The following CENPF variants were observed in gnomAD, a reference collection of about 807,000 sequenced individuals.
The protein encoded by CENPF is centromere protein F.
A neutral mutation model predicts 307.3 loss-of-function variants in CENPF; 214 were observed. The observed-to-expected ratio is 0.70, with a 90% confidence interval of 0.62 to 0.78. The LOEUF (loss-of-function observed/expected upper bound fraction) is 0.78, where lower values mean the gene tolerates loss of function less well. Ranked by LOEUF, CENPF falls within the 30% of genes least tolerant of loss-of-function variation. The pLI is 0.00. For synonymous variants in CENPF, 1,259 were observed against 1,270.6 expected (o/e 0.99, Z 0.19); for missense variants, 3,401 against 3,483.9 (o/e 0.98, Z 0.60).
rs769959685 is a variant in CENPF at position 214,644,624 on chromosome 1, C to T, written c.5054C>T (p.Thr1685Ile). The T allele has an allele frequency of 2.8e-5, 45 of 1,613,610 alleles. No homozygotes were observed. Among genetic ancestry groups the T allele is most frequent in the Non-Finnish European group, 3.4e-5 (40 of 1,179,858 alleles). Residue 1685 changes from threonine to isoleucine, a missense_variant, in exon 13 of 20, where the codon ACA becomes ATA. Physicochemically the swap from Thr to Ile is moderately conservative, Grantham distance 89. Coordinates refer to ENST00000366955, the MANE Select transcript of CENPF (RefSeq NM_016343.4). ...KEHTSETTERTPKHDVHQICD... is the reference protein window; with the variant it reads ...KEHTSETTERIPKHDVHQICD... ...CATACTTCAGAAACTACAGAAAGAA[C>T]ACCAAAGCATGATGTTCATCAGATT...
intron 1 of CENPF, among the ~76,000 whole-genome samples, chr1:214,607,868 A>G (rs1002379894): frequency 6.6e-6 from 1 of 152,168 alleles, no homozygotes; most frequent in Non-Finnish European, 1.5e-5. Flanking sequence ...AGGATGGCCA[A>G]GCTCCGCAGC....
Position 214,613,752 on chromosome 1 carries a change from A to C in CENPF, c.-3A>C. 16 of 1,594,710 alleles carry C rather than the reference A, an allele frequency of 1.0e-5. No individual in the cohort carries two copies. The highest frequency in any genetic ancestry group is 1.4e-5 in the Non-Finnish European group (16 of 1,172,976). On this transcript the variant is annotated 5_prime_UTR_variant, in exon 2 of 20. Coordinates refer to ENST00000366955, the MANE Select transcript of CENPF (RefSeq NM_016343.4). The stretch of plus-strand genomic sequence containing the variant: ...GTTGGAGTAATAAAGAAGGCAGAAC[A>C]AAATGAGCTGGGCTTTGGAAGAATG...
chr1:214,617,940 G>A (rs1169109483), intron 3 of CENPF, among the ~76,000 whole-genome samples: 1 of 152,198 alleles, frequency 6.6e-6, no homozygotes, highest in Admixed American at 6.5e-5. Context: ...AGAACTGCCT[G>A]AGCCTGGGTA....
intron 1 of CENPF, among the ~76,000 whole-genome samples, chr1:214,611,102 G>C (rs1657188076): frequency 6.6e-6 from 1 of 152,156 alleles, no homozygotes; most frequent in Non-Finnish European, 1.5e-5. Context: ...ATAGTTTGAA[G>C]TAGGGTAACA....
intron 1 of CENPF, chr1:214,608,549 G>T (rs575930621): frequency 7.1e-5 from 114 of 1,611,106 alleles, no homozygotes; most frequent in Non-Finnish European, 8.5e-5. Flanking sequence ...CAGGAGACGC[G>T]GTTGCGGCGG....
chr1:214,647,139 A>T lies in CENPF; in HGVS notation c.7569A>T (p.Glu2523Asp). ...GKQKLEKKDE[E>D]ISRLKNQIQD... is the part of the protein sequence containing the mutation. ...AGAAACTGGAGAAGAAGGATGAAGAAATCAGTAGACTGAAAAATCAAATTC... is the reference window on the plus strand; with the variant it reads ...AGAAACTGGAGAAGAAGGATGAAGATATCAGTAGACTGAAAAATCAAATTC... Residue 2523 changes from glutamate to aspartate, a missense_variant, in exon 13 of 20, where the codon GAA becomes GAT. Glu to Asp is a conservative substitution (Grantham distance 45, BLOSUM62 2). Transcript: ENST00000366955. 3 of 1,614,048 alleles carry T rather than the reference A, an allele frequency of 1.9e-6. No individual in the cohort carries two copies. The highest frequency in any genetic ancestry group is 2.5e-6 in the Non-Finnish European group (3 of 1,179,958).
intron 2 of CENPF, among the ~76,000 whole-genome samples, chr1:214,614,599 G>A (rs528340593): frequency 2.6e-4 from 40 of 152,244 alleles, no homozygotes; most frequent in African/African-American, 8.9e-4. Flanking sequence ...GGATAGTAAA[G>A]ACTCCCTTTC....
Position 214,641,383 on chromosome 1 carries a change from T to C in CENPF, c.3045T>C (p.Ser1015=). The C allele has an allele frequency of 1.2e-6, 2 of 1,604,996 alleles. No individual in the cohort carries two copies. The highest frequency in any genetic ancestry group is 8.5e-7 in the Non-Finnish European group (1 of 1,177,856). Residue 1015 remains serine (S), a synonymous_variant, in exon 12 of 20, where the codon TCT becomes TCC. Transcript: ENST00000366955. ...GGGAGAAAAGCATTTCAGAGTTATC[T>C]GATCAGTACAAGCAAGAAAAACTTA... is the stretch of plus-strand genomic sequence containing the variant. ...DEREKSISEL[S]DQYKQEKLIL... is the part of the protein sequence containing the mutation.
chr1:214,644,851 G>A lies in CENPF; in HGVS notation c.5281G>A (p.Asp1761Asn). Residue 1761 changes from aspartate (D) to asparagine (N), a missense_variant, in exon 13 of 20, where the codon GAT becomes AAT. By Grantham distance (23) the Asp-to-Asn change is conservative. Coordinates refer to ENST00000366955, the MANE Select transcript of CENPF (RefSeq NM_016343.4). ...FSGPNALVPM[D>N]FLGNQEDIHN... ...TGGTCCTAATGCTTTGGTACCTATG[G>A]ATTTCCTGGGGAATCAGGAAGATAT... 6.2e-7 allele frequency: 1 copy of A among 1,614,038 alleles called. No homozygotes were observed. Among genetic ancestry groups the A allele is most frequent in the Non-Finnish European group, 8.5e-7 (1 of 1,179,994 alleles).
intron 3 of CENPF, 130 bp downstream of exon 3, chr1:214,615,158 G>A (rs955882787): frequency 2.7e-5 from 15 of 565,346 alleles, no homozygotes; most frequent in African/African-American, 7.8e-5. Flanking sequence ...GTAATGATTC[G>A]GTCTCTGTAC....
intron 11 of CENPF, 92 bp downstream of exon 11, chr1:214,638,093 G>T: frequency 7.6e-7 from 1 of 1,308,210 alleles, no homozygotes; most frequent in Non-Finnish European, 1.0e-6. Flanking sequence ...GAAACTCTTT[G>T]GATTTTTTTT....
At chr1:214,656,529 T>C (rs997053366) in intron 17 of CENPF, among the ~76,000 whole-genome samples, 7 of 152,216 alleles carry the variant, frequency 4.6e-5, no homozygotes, top group Non-Finnish European at 7.3e-5. Flanking sequence ...CCCAAAGCCA[T>C]ACAACAGAAG....
Position 214,611,788 on chromosome 1 carries a change from G to T in CENPF, c.-41-1926G>T, listed in dbSNP as rs188068968. On this transcript the variant is annotated intron_variant, in intron 1 of 19. Transcript: ENST00000366955. The stretch of plus-strand genomic sequence containing the variant: ...TGATTTGGATCTTGGCTTGGCTGTT[G>T]TCAGTGTATAGGAATGCTAGTGATT... 1.8e-3 allele frequency among the ~76,000 whole-genome samples: 274 copies of T among 152,358 alleles called. 2 individuals are homozygous for T. Among genetic ancestry groups the T allele is most frequent in the African/African-American group, 6.0e-3 (250 of 41,580 alleles).
At chr1:214,617,817 A>T (rs2102535103) in intron 3 of CENPF, among the ~76,000 whole-genome samples, 1 of 152,270 alleles carries the variant, frequency 6.6e-6, no homozygotes, top group Non-Finnish European at 1.5e-5. Context: ...CTGAAGTTCT[A>T]GGTTCTTTTA....
chr1:214,656,342 T>A (rs138155920), intron 17 of CENPF, among the ~76,000 whole-genome samples: 425 of 152,226 alleles, frequency 2.8e-3, no homozygotes, highest in African/African-American at 9.9e-3. Flanking sequence ...CAGGGTAGAT[T>A]GGGGCTTCAG....
intron 9 of CENPF, 146 bp from the exon 10 acceptor site, chr1:214,632,334 A>T: frequency 1.3e-6 from 1 of 770,956 alleles, no homozygotes; most frequent in Non-Finnish European, 2.0e-6. Context: ...TTTAAGACAT[A>T]TTTAGCTGTG....
chr1:214,626,650 A>G (rs1328849186), intron 7 of CENPF, among the ~76,000 whole-genome samples: 4 of 152,128 alleles, frequency 2.6e-5, no homozygotes, highest in Non-Finnish European at 5.9e-5. Context: ...TTGCTTTTTG[A>G]GTTATTTAAT....
Position 214,640,054 on chromosome 1 carries a change from C to A in CENPF, c.1716C>A (p.Asp572Glu). The A allele has an allele frequency of 6.2e-7, 1 of 1,602,102 alleles. No individual in the cohort carries two copies. The highest frequency in any genetic ancestry group is 1.1e-5 in the South Asian group (1 of 87,560). ...DLEKQRDCSQ[D>E]LLKKREHHIE... Reference sequence around the variant, plus strand: ...AAAAGCAGCGAGATTGTTCTCAAGACCTTTTGAAGAAAAGAGAACATCACA... The same window carrying A: ...AAAAGCAGCGAGATTGTTCTCAAGAACTTTTGAAGAAAAGAGAACATCACA... The change falls in exon 12 of 20, where the codon GAC (aspartate) becomes GAA (glutamate). Residue 572 changes from aspartate to glutamate, a missense_variant. Physicochemically the swap from Asp to Glu is conservative, Grantham distance 45. Transcript: ENST00000366955.
Position 214,647,301 on chromosome 1 carries a change from C to G in CENPF, c.7731C>G (p.Ala2577=). ...TCCAAGTGCTACAATCCAAAAATGC[C>G]TCTTTGCAGGACACATTAGAAGTGC... is the stretch of plus-strand genomic sequence containing the variant. ...QKIQVLQSKN[A]SLQDTLEVLQ... The change falls in exon 13 of 20, where the codon GCC becomes GCG. Residue 2577 remains alanine, a synonymous_variant. Coordinates refer to ENST00000366955, the MANE Select transcript of CENPF (RefSeq NM_016343.4). The G allele has an allele frequency of 6.2e-7, 1 of 1,614,032 alleles. No individual in the cohort carries two copies. Among genetic ancestry groups the G allele is most frequent in the Non-Finnish European group, 8.5e-7 (1 of 1,179,934 alleles).
Sources: gnomAD v4.1 joint callset for allele counts (sites outside exome capture counted in the v4.1 genomes callset) on GRCh38, gnomAD v4.1.1 for gene constraint, MANE v1.5 for transcripts, NCBI Gene and HGNC (gene_info 2026-07-23, HGNC 2026-07-21) for gene names.